C3orf70: variants seen among roughly 807,000 people sequenced by gnomAD.
C3orf70 encodes chromosome 3 open reading frame 70, also known as UPF0524 protein C3orf70.
In C3orf70, 15 loss-of-function variants were observed where a neutral mutation model predicts 20.7. That is an observed-to-expected ratio of 0.72 (90% confidence interval 0.48 to 1.11). C3orf70 has a LOEUF of 1.11. C3orf70 is among the 50% of genes most tolerant of loss of function. The pLI, the probability that C3orf70 is intolerant of heterozygous loss-of-function variation, is 0.00. For synonymous variants in C3orf70, 161 were observed against 125.7 expected (o/e 1.28, Z -1.88); for missense variants, 332 against 317.6 (o/e 1.05, Z -0.34).
In C3orf70 at chr3:185,112,136, C is replaced by CA. The variant is rs772781874; in HGVS notation, c.197-28574dup. Among the ~76,000 whole-genome samples the CA allele has an allele frequency of 3.3e-5, 5 of 152,008 alleles. No homozygotes were observed. The South Asian group carries it at 6.2e-4, about 19-fold the overall frequency. On this transcript the variant is annotated intron_variant, in intron 1 of 1. Transcript: ENST00000335012. ...GGAAATCCTGTCTCTACTTAAAATA[C>CA]AAAAAAATAAGCCAGGTGTGGTGGG...
intron 1 of C3orf70, among the ~76,000 whole-genome samples, chr3:185,122,426 T>TA (rs1200101682): frequency 6.6e-6 from 1 of 152,188 alleles, no homozygotes; most frequent in African/African-American, 2.4e-5. Context: ...GTTGAAATCT[T>TA]AAAAGATCAA....
chr3:185,152,156 G>A (rs1168429268), intron 1 of C3orf70, among the ~76,000 whole-genome samples: 1 of 152,106 alleles, frequency 6.6e-6, no homozygotes, highest in Non-Finnish European at 1.5e-5. Flanking sequence ...ATATCCAAGG[G>A]CTCCTTCTTT....
At chr3:185,112,226 G>A (rs1242340249) in intron 1 of C3orf70, among the ~76,000 whole-genome samples, 1 of 152,120 alleles carries the variant, frequency 6.6e-6, no homozygotes, top group South Asian at 2.1e-4. Flanking sequence ...GGAGGCGGAG[G>A]GTGCAGTGAG....
intron 1 of C3orf70, among the ~76,000 whole-genome samples, chr3:185,107,780 G>A (rs1157617221): frequency 6.6e-6 from 1 of 152,108 alleles, no homozygotes; most frequent in East Asian, 1.9e-4. Context: ...ACCTATGTGA[G>A]CATTACAGCC....
At chr3:185,113,133 A>G (rs140954985) in intron 1 of C3orf70, among the ~76,000 whole-genome samples, 2 of 152,124 alleles carry the variant, frequency 1.3e-5, no homozygotes, top group Non-Finnish European at 2.9e-5. Flanking sequence ...GAAAAGATCT[A>G]CAATATGTAG....
chr3:185,095,981 T>C (rs9874930), intron 1 of C3orf70, among the ~76,000 whole-genome samples: 6,573 of 152,142 alleles, frequency 0.043, 450 homozygotes, highest in African/African-American at 0.15. Flanking sequence ...ATGATCCTCC[T>C]GCCTCGGCCT....
At chr3:185,140,380 T>G (rs774800849) in intron 1 of C3orf70, among the ~76,000 whole-genome samples, 2 of 151,878 alleles carry the variant, frequency 1.3e-5, no homozygotes, top group Non-Finnish European at 2.9e-5. Context: ...GTTTAAAAAA[T>G]CCAATTAGAA....
chr3:185,096,607 ACT>A (rs1715714067), intron 1 of C3orf70, among the ~76,000 whole-genome samples: 2 of 151,958 alleles, frequency 1.3e-5, no homozygotes, highest in Admixed American at 1.3e-4. Flanking sequence ...GGTGCGGAGG[ACT>A]CTGCAGGAGG....
intron 1 of C3orf70, among the ~76,000 whole-genome samples, chr3:185,134,067 G>C (rs544252539): frequency 6.9e-6 from 1 of 145,388 alleles, no homozygotes; most frequent in South Asian, 2.3e-4. Flanking sequence ...CTCCAGCCTG[G>C]GTGATACAGT....
chr3:185,142,567 G>A (rs1282025438), intron 1 of C3orf70, among the ~76,000 whole-genome samples: 1 of 152,196 alleles, frequency 6.6e-6, no homozygotes, highest in African/African-American at 2.4e-5. Context: ...GCAACCACCA[G>A]CGTAGTAAGT....
chr3:185,106,369 G>A (rs185692743), intron 1 of C3orf70, among the ~76,000 whole-genome samples: 7,884 of 152,234 alleles, frequency 0.052, 660 homozygotes, highest in African/African-American at 0.18. Flanking sequence ...GCAATGGCAG[G>A]ACTGAGAGTG....
chr3:185,125,698 G>A (rs1558913), intron 1 of C3orf70, among the ~76,000 whole-genome samples: 1 of 152,190 alleles, frequency 6.6e-6, no homozygotes, highest in Non-Finnish European at 1.5e-5. Flanking sequence ...CTCGACAGCA[G>A]GGATGAATCT....
At chr3:185,103,185 C>T (rs1033537243) in intron 1 of C3orf70, among the ~76,000 whole-genome samples, 1 of 152,162 alleles carries the variant, frequency 6.6e-6, no homozygotes, top group Non-Finnish European at 1.5e-5. Context: ...GCGGAGGTTG[C>T]AGTGAACAGA....
At chr3:185,088,127 T>G (rs1349355808) in intron 1 of C3orf70, among the ~76,000 whole-genome samples, 1 of 152,098 alleles carries the variant, frequency 6.6e-6, no homozygotes, top group African/African-American at 2.4e-5. Context: ...GTCAGGCTGG[T>G]CTCAAACTCC....
At chr3:185,088,521 T>C (rs1304392664) in intron 1 of C3orf70, among the ~76,000 whole-genome samples, 4 of 149,590 alleles carry the variant, frequency 2.7e-5, no homozygotes, top group African/African-American at 7.5e-5. Context: ...TTTATATAAA[T>C]CTATGATTTT....
intron 1 of C3orf70, among the ~76,000 whole-genome samples, chr3:185,123,122 T>G (rs1187062955): frequency 7.1e-6 from 1 of 141,116 alleles, no homozygotes; most frequent in African/African-American, 2.7e-5. Context: ...GAGGTTGCAG[T>G]GAGCCAAGAT....
chr3:185,105,309 T>C (rs888897983), intron 1 of C3orf70, among the ~76,000 whole-genome samples: 2 of 152,234 alleles, frequency 1.3e-5, no homozygotes, highest in Non-Finnish European at 2.9e-5. Context: ...ATAACACCCA[T>C]GCTGGAAGGT....
rs568305788 is a variant in C3orf70, at chr3:185,131,414, T to C, written c.196+21214A>G. Among the ~76,000 whole-genome samples, 22 of 152,328 alleles carry C rather than the reference T, an allele frequency of 1.4e-4. No homozygotes were observed. The South Asian group carries it at 3.7e-3, about 26-fold the overall frequency. Reference sequence around the variant, plus strand: ...GTTATAATAGAGTTTGCCTGAAGTCTGATATCCGGTTAAACAGAGTATTAA... The same window carrying C: ...GTTATAATAGAGTTTGCCTGAAGTCCGATATCCGGTTAAACAGAGTATTAA... On this transcript the variant is annotated intron_variant, in intron 1 of 1. Transcript: ENST00000335012.
intron 1 of C3orf70, among the ~76,000 whole-genome samples, chr3:185,149,469 C>T (rs1716945950): frequency 6.6e-6 from 1 of 151,548 alleles, no homozygotes; most frequent in African/African-American, 2.4e-5. Flanking sequence ...CATAATGGTC[C>T]ATATGGGGTC....
Sources: allele counts gnomAD v4.1 joint callset (sites outside exome capture counted in the v4.1 genomes callset), GRCh38; gene constraint gnomAD v4.1.1; transcripts MANE v1.5; gene names NCBI Gene and HGNC (gene_info 2026-07-23, HGNC 2026-07-21).